Variants in ANKRD30BL observed in about 807,000 individuals in gnomAD.
ANKRD30BL encodes putative ankyrin repeat domain-containing protein 30B-like.
ANKRD30BL carries 20 observed loss-of-function variants against 18.4 expected under a neutral mutation model. The observed-to-expected ratio is 1.09, with a 90% CI of 0.77 to 1.58. The LOEUF is 1.58. ANKRD30BL is among the 40% of genes most tolerant of loss of function. The probability of loss-of-function intolerance (pLI) is 0.00; values close to 1 mark genes in which losing one functional copy is unlikely to be tolerated. For synonymous variants in ANKRD30BL, 72 were observed against 100.9 expected, an observed-to-expected ratio of 0.71 and a Z score of 1.72; for missense variants, 224 against 268.6, an observed-to-expected ratio of 0.83 and a Z score of 1.16.
chr2:132,222,829 C>CAAAAAAAAAAA (rs1558942311), intron 1 of ANKRD30BL, among the ~76,000 whole-genome samples: 1 of 4,098 alleles, frequency 2.4e-4, no homozygotes. Flanking sequence ...CAAGAATGAT[C>CAAAAAAAAAAA]AATAAAAAAA....
intron 1 of ANKRD30BL, among the ~76,000 whole-genome samples, chr2:132,196,663 G>GT (rs1678975210): frequency 6.6e-6 from 1 of 152,036 alleles, no homozygotes; most frequent in Admixed American, 6.6e-5. Context: ...GCGCATGCCT[G>GT]TAATTCCAGC....
At chr2:132,154,897 C>G (rs939798954) in intron 3 of ANKRD30BL, 129 bp from the exon 4 acceptor site, 1 of 513,762 alleles carries the variant, frequency 1.9e-6, no homozygotes, top group African/African-American at 2.0e-5. Flanking sequence ...TTCTTTCTCA[C>G]TTTTCTGTGC....
intron 1 of ANKRD30BL, among the ~76,000 whole-genome samples, chr2:132,247,308 A>G (rs76525947): frequency 6.6e-6 from 1 of 151,960 alleles, no homozygotes; most frequent in Non-Finnish European, 1.5e-5. Context: ...CTATGGTCAA[A>G]AAGGAAATAT....
intron 1 of ANKRD30BL, among the ~76,000 whole-genome samples, chr2:132,188,649 G>T (rs1678768075): frequency 6.6e-6 from 1 of 152,160 alleles, no homozygotes; most frequent in South Asian, 2.1e-4. Flanking sequence ...GGTGGAGCTT[G>T]TAGTGAGCCA....
chr2:132,171,288 A>G (rs1455413627), intron 1 of ANKRD30BL, among the ~76,000 whole-genome samples: 1 of 152,242 alleles, frequency 6.6e-6, no homozygotes, highest in Admixed American at 6.5e-5. Context: ...AAACTCTGAC[A>G]TAAAACATGT....
intron 1 of ANKRD30BL, among the ~76,000 whole-genome samples, chr2:132,199,136 G>A (rs1679038890): frequency 6.6e-6 from 1 of 152,050 alleles, no homozygotes; most frequent in Non-Finnish European, 1.5e-5. Flanking sequence ...CAGATCAGAA[G>A]GTCAAGAGAC....
chr2:132,202,130 T>C (rs10205744), intron 1 of ANKRD30BL, among the ~76,000 whole-genome samples: 26,249 of 151,240 alleles, frequency 0.17, 5,049 homozygotes, highest in African/African-American at 0.48. Context: ...CATCACACAC[T>C]GGGGCCTGTT....
intron 1 of ANKRD30BL, among the ~76,000 whole-genome samples, chr2:132,176,893 A>G (rs1411029325): frequency 1.3e-5 from 2 of 152,212 alleles, no homozygotes; most frequent in Non-Finnish European, 2.9e-5. Flanking sequence ...GATTCCACAT[A>G]GATATTGTAG....
chr2:132,202,286 TA>T (rs777576589), intron 1 of ANKRD30BL, among the ~76,000 whole-genome samples: 13 of 151,834 alleles, frequency 8.6e-5, no homozygotes, highest in Non-Finnish European at 1.9e-4. Context: ...AAACTTAAAG[TA>T]TAATAATAAA....
chr2:132,201,027 A>G (rs13420251), intron 1 of ANKRD30BL, among the ~76,000 whole-genome samples: 3,230 of 152,286 alleles, frequency 0.021, 107 homozygotes, highest in African/African-American at 0.074. Context: ...CAAACCTGAG[A>G]AAAACAAGCA....
intron 1 of ANKRD30BL, among the ~76,000 whole-genome samples, chr2:132,212,244 G>A (rs556846334): frequency 6.7e-6 from 1 of 150,042 alleles, no homozygotes; most frequent in Non-Finnish European, 1.5e-5. Context: ...GTGGAAAAGG[G>A]TCTGCAAGTG....
intron 1 of ANKRD30BL, 79 bp downstream of exon 1, chr2:132,161,409 C>G (rs1460082610): frequency 3.7e-6 from 5 of 1,338,574 alleles, no homozygotes; most frequent in Non-Finnish European, 5.2e-6. Context: ...CCCAGGACCC[C>G]CAGGCCCCAC....
chr2:132,249,231 C>G (rs146184759), intron 1 of ANKRD30BL, among the ~76,000 whole-genome samples: 8 of 152,118 alleles, frequency 5.3e-5, no homozygotes, highest in Non-Finnish European at 7.4e-5. Flanking sequence ...TGGCTCAACT[C>G]TGTGAGATGA....
chr2:132,162,041 G>A (rs35259176), upstream of ANKRD30BL: 30,527 of 223,326 alleles, frequency 0.14, 2,395 homozygotes, highest in Admixed American at 0.24. Flanking sequence ...ACGGCGTGCA[G>A]GTGGCACCTG....
chr2:132,194,485 T>C (rs1270663344), intron 1 of ANKRD30BL, among the ~76,000 whole-genome samples: 1 of 152,202 alleles, frequency 6.6e-6, no homozygotes, highest in Non-Finnish European at 1.5e-5. Flanking sequence ...GGATTGTATG[T>C]GAGGATGTTT....
intron 1 of ANKRD30BL, among the ~76,000 whole-genome samples, chr2:132,228,842 C>T (rs1273367166): frequency 2.0e-5 from 3 of 149,458 alleles, no homozygotes; most frequent in Non-Finnish European, 3.0e-5. Flanking sequence ...ACAGAGTAAA[C>T]CTTTCTTTTG....
intron 4 of ANKRD30BL, among the ~76,000 whole-genome samples, chr2:132,151,636 G>A (rs1024400971): frequency 6.7e-6 from 1 of 149,782 alleles, no homozygotes; most frequent in African/African-American, 2.5e-5. Flanking sequence ...CAAAAAAAAT[G>A]TTTTTCTTCA....
intron 1 of ANKRD30BL, among the ~76,000 whole-genome samples, chr2:132,234,942 A>G (rs968282500): frequency 8.5e-5 from 13 of 152,188 alleles, no homozygotes; most frequent in African/African-American, 2.9e-4. Flanking sequence ...CCTCAATAAA[A>G]TACTGGCAAA....
Position 132,161,533 on chromosome 2 carries a change from A to C in ANKRD30BL, c.173T>G (p.Met58Arg). ...RGQAWKLERM[M>R]KKTTMDLNIR... ...GTTCAGGTCCATTGTCGTCTTCTTC[A>C]TCATCCTCTCCAGCTTCCAGGCTTG... Residue 58 changes from methionine (M) to arginine (R), a missense_variant, in exon 1 of 6, where the codon ATG becomes AGG. By Grantham distance (91) the Met-to-Arg change is moderately conservative. Coordinates refer to ENST00000409867, the MANE Select transcript of ANKRD30BL (RefSeq NM_001358416.1). 6.9e-7 allele frequency: 1 copy of C among 1,456,718 alleles called. No homozygotes were observed. The highest frequency in any genetic ancestry group is 9.4e-7 in the Non-Finnish European group (1 of 1,063,416). The allele number at this position is 1,456,718 out of a possible 1,614,324, so 90.2% of individuals were successfully genotyped here.
Sources: gnomAD v4.1 joint callset for allele counts (sites outside exome capture counted in the v4.1 genomes callset) on GRCh38, gnomAD v4.1.1 for gene constraint, MANE v1.5 for transcripts, NCBI Gene and HGNC (gene_info 2026-07-23, HGNC 2026-07-21) for gene names.